The following ADAMTSL3 variants were observed in gnomAD, a reference collection of about 807,000 sequenced individuals.
The protein encoded by ADAMTSL3 is ADAMTS-like protein 3.
Under a neutral mutation model 201.7 loss-of-function variants are expected in ADAMTSL3, and 128 were observed. The observed-to-expected ratio is 0.63, with a 90% confidence interval of 0.55 to 0.73. The LOEUF is 0.73. ADAMTSL3 is among the 30% of genes least tolerant of loss of function. ADAMTSL3 has a pLI of 0.00. For missense variants in ADAMTSL3, 1,990 were observed against 2,119.6 expected (o/e 0.94, Z 1.20); for synonymous variants, 738 against 748.4 (o/e 0.99, Z 0.23).
intron 10 of ADAMTSL3, among the ~76,000 whole-genome samples, chr15:83,887,363 G>A (rs544851289): frequency 9.9e-5 from 15 of 152,234 alleles, no homozygotes; most frequent in East Asian, 7.7e-4. Context: ...TAGTACTACC[G>A]TAAGTGGAAA....
chr15:83,891,810 A>G (rs545780453), intron 12 of ADAMTSL3, among the ~76,000 whole-genome samples: 3 of 152,232 alleles, frequency 2.0e-5, no homozygotes, highest in Non-Finnish European at 4.4e-5. Context: ...TTTAATTTTC[A>G]CAATGGTCTT....
intron 28 of ADAMTSL3, among the ~76,000 whole-genome samples, chr15:84,034,298 G>A (rs2068462010): frequency 6.6e-6 from 1 of 152,132 alleles, no homozygotes; most frequent in Non-Finnish European, 1.5e-5. Flanking sequence ...AGGGAGCAAT[G>A]GAGACCCCCC....
intron 3 of ADAMTSL3, chr15:83,717,652 G>A (rs1483891212): frequency 6.6e-6 from 1 of 151,992 alleles, no homozygotes; most frequent in Non-Finnish European, 1.5e-5. Context: ...TTATATATTT[G>A]TAAAGTAAAA....
At chr15:83,689,713 T>C (rs2061586439) in intron 2 of ADAMTSL3, among the ~76,000 whole-genome samples, 6 of 152,246 alleles carry the variant, frequency 3.9e-5, no homozygotes, top group Admixed American at 3.3e-4. Flanking sequence ...GAGACTGATA[T>C]GTGATTTTTT....
chr15:83,829,475 C>G (rs1251418237), intron 6 of ADAMTSL3, among the ~76,000 whole-genome samples: 1 of 152,082 alleles, frequency 6.6e-6, no homozygotes, highest in Non-Finnish European at 1.5e-5. Flanking sequence ...TTCAAAAAAC[C>G]AGCTCCTGGA....
chr15:83,867,120 T>G (rs956792026), intron 8 of ADAMTSL3, among the ~76,000 whole-genome samples: 1 of 152,214 alleles, frequency 6.6e-6, no homozygotes. Flanking sequence ...AAGAGATATT[T>G]CTGAAATGAA....
chr15:83,829,230 C>T (rs2064096538), intron 6 of ADAMTSL3, among the ~76,000 whole-genome samples: 1 of 152,286 alleles, frequency 6.6e-6, no homozygotes, highest in African/African-American at 2.4e-5. Context: ...TTCAGAGATT[C>T]AACTTCTTCC....
intron 4 of ADAMTSL3, among the ~76,000 whole-genome samples, chr15:83,788,905 G>A (rs750273889): frequency 2.0e-4 from 30 of 152,156 alleles, no homozygotes; most frequent in Non-Finnish European, 3.2e-4. Context: ...CGCCTCCTGG[G>A]TTGAAGCAAC....
At chr15:84,008,077 T>C (rs1399823935) in intron 23 of ADAMTSL3, among the ~76,000 whole-genome samples, 1 of 152,178 alleles carries the variant, frequency 6.6e-6, no homozygotes, top group Non-Finnish European at 1.5e-5. Flanking sequence ...CAGCTTACCA[T>C]GTAAGTGTGA....
intron 5 of ADAMTSL3, 82 bp downstream of exon 5, chr15:83,804,777 C>T: frequency 8.9e-7 from 1 of 1,120,930 alleles, no homozygotes; most frequent in Non-Finnish European, 1.3e-6. Flanking sequence ...TACTCTAAAA[C>T]TGATGGTCTC....
At chr15:83,840,032 G>C (rs2064345156) in intron 7 of ADAMTSL3, among the ~76,000 whole-genome samples, 1 of 152,036 alleles carries the variant, frequency 6.6e-6, no homozygotes, top group Admixed American at 6.6e-5. Flanking sequence ...CCTTGTTGGT[G>C]GTATTCAGTT....
intron 2 of ADAMTSL3, among the ~76,000 whole-genome samples, chr15:83,676,251 AC>A (rs1390110995): frequency 1.3e-5 from 2 of 148,856 alleles, no homozygotes; most frequent in Non-Finnish European, 1.5e-5. Flanking sequence ...TCTCTCTGTA[AC>A]TGAGTTTGCC....
intron 15 of ADAMTSL3, among the ~76,000 whole-genome samples, chr15:83,903,158 G>A (rs1298761597): frequency 1.3e-5 from 2 of 151,444 alleles, no homozygotes; most frequent in East Asian, 3.9e-4. Flanking sequence ...TTTAAAATGT[G>A]GTGATTTCCA....
intron 3 of ADAMTSL3, among the ~76,000 whole-genome samples, chr15:83,750,529 AT>A (rs2062622117): frequency 6.6e-6 from 1 of 151,402 alleles, no homozygotes; most frequent in African/African-American, 2.4e-5. Flanking sequence ...CTTTTTCAAA[AT>A]GGTTCACAGA....
At chr15:83,809,711 G>A (rs2063661513) in intron 5 of ADAMTSL3, among the ~76,000 whole-genome samples, 1 of 152,052 alleles carries the variant, frequency 6.6e-6, no homozygotes, top group Non-Finnish European at 1.5e-5. Flanking sequence ...CCTCATTGGT[G>A]GTATAGACCC....
chr15:83,925,492 C>T (rs893339549), intron 17 of ADAMTSL3, among the ~76,000 whole-genome samples: 14 of 152,104 alleles, frequency 9.2e-5, no homozygotes, highest in Admixed American at 3.3e-4. Flanking sequence ...TGCCACCTCC[C>T]ACTCCCACCC....
intron 17 of ADAMTSL3, among the ~76,000 whole-genome samples, chr15:83,927,849 G>C (rs1043527658): frequency 4.6e-5 from 7 of 152,032 alleles, no homozygotes; most frequent in Non-Finnish European, 5.9e-5. Flanking sequence ...CTGATTTCCA[G>C]TCCCTCCACT....
At chr15:83,674,562 A>G (rs2061368389) in intron 2 of ADAMTSL3, among the ~76,000 whole-genome samples, 1 of 151,252 alleles carries the variant, frequency 6.6e-6, no homozygotes, top group South Asian at 2.1e-4. Flanking sequence ...ATTATTCTTT[A>G]TCAAAATTAT....
intron 6 of ADAMTSL3, among the ~76,000 whole-genome samples, chr15:83,828,405 A>G (rs1337996313): frequency 6.6e-6 from 1 of 152,254 alleles, no homozygotes; most frequent in African/African-American, 2.4e-5. Flanking sequence ...GAAGTTGCCT[A>G]TCAGCTTAAG....
Sources: allele counts gnomAD v4.1 joint callset (sites outside exome capture counted in the v4.1 genomes callset), GRCh38; gene constraint gnomAD v4.1.1; transcripts MANE v1.5; gene names NCBI Gene and HGNC (gene_info 2026-07-23, HGNC 2026-07-21).